ITPRID1: variants seen among roughly 807,000 people sequenced by gnomAD.
The protein encoded by ITPRID1 is ITPR interacting domain containing 1.
In ITPRID1, 96 loss-of-function variants were observed where a neutral mutation model predicts 95.4. The ratio of observed to expected loss-of-function variants is 1.01; its 90% CI spans 0.85 to 1.19. The LOEUF (loss-of-function observed/expected upper bound fraction) is 1.19, where lower values mean the gene tolerates loss of function less well. Among genes scored for constraint, ITPRID1 ranks in the 50% most tolerant of loss-of-function variants. The pLI is 0.00. For missense variants in ITPRID1, 1,339 were observed against 1,252.9 expected, an observed-to-expected ratio of 1.07 and a Z score of -1.04; for synonymous variants, 510 against 453.6, an observed-to-expected ratio of 1.12 and a Z score of -1.58.
intron 10 of ITPRID1, among the ~76,000 whole-genome samples, chr7:31,631,175 G>C (rs556441959): frequency 6.6e-6 from 1 of 152,128 alleles, no homozygotes; most frequent in African/African-American, 2.4e-5. Flanking sequence ...TCCAAACTGC[G>C]GAAGAGCAGA....
chr7:31,633,451 G>A (rs1240704212), intron 10 of ITPRID1, among the ~76,000 whole-genome samples: 2 of 152,148 alleles, frequency 1.3e-5, no homozygotes, highest in Admixed American at 1.3e-4. Context: ...TGGAAGGGAG[G>A]TGGCACCATC....
chr7:31,650,093 G>T (rs1362290975), intron 12 of ITPRID1, among the ~76,000 whole-genome samples: 1 of 152,200 alleles, frequency 6.6e-6, no homozygotes, highest in African/African-American at 2.4e-5. Context: ...AGAGACCGGG[G>T]ACAGAGGCCC....
chr7:31,638,573 A>G (rs38386), intron 10 of ITPRID1, among the ~76,000 whole-genome samples: 23,870 of 152,226 alleles, frequency 0.16, 2,351 homozygotes, highest in Non-Finnish European at 0.2. Flanking sequence ...AATAAATAAA[A>G]TATTCAGTGC....
chr7:31,606,185 A>T (rs528931891), intron 10 of ITPRID1, among the ~76,000 whole-genome samples: 1 of 152,312 alleles, frequency 6.6e-6, no homozygotes, highest in South Asian at 2.1e-4. Context: ...CTTCTGATAA[A>T]TAGGACTATT....
rs548229974 is a variant in ITPRID1, at chr7:31,655,820, G to A, written c.*2991G>A. On this transcript the variant is annotated 3_prime_UTR_variant, in exon 15 of 15. Coordinates refer to ENST00000615280, the MANE Select transcript of ITPRID1 (RefSeq NM_001257967.3). ...ACCTCCCCTTCTCCATGTAGACTCC[G>A]AGCTCTCCTGCAGTTTCTTCCTTGC... The A allele has an allele frequency of 2.4e-3, 2,392 of 985,492 alleles. 2 individuals carry two copies. The highest frequency in any genetic ancestry group is 2.8e-3 in the Non-Finnish European group (2,284 of 829,986). 61.0% of individuals were successfully genotyped at this position (985,492 alleles called of 1,614,324 possible).
rs751728080 is a variant in ITPRID1 at position 31,652,534 on chromosome 7, C to G, written c.2840C>G (p.Thr947Arg). The change falls in exon 15 of 15, where the codon ACA (threonine) becomes AGA (arginine). Residue 947 changes from threonine to arginine, a missense_variant. By Grantham distance (71) the Thr-to-Arg change is moderately conservative. Coordinates refer to ENST00000615280, the MANE Select transcript of ITPRID1 (RefSeq NM_001257967.3). ...EGILLQLEVL[T>R]AEPPEHYSNL... is the part of the protein sequence containing the mutation. ...TCCTTTTAGCAGCTGGAGGTTCTCA[C>G]AGCAGAGCCACCTGAACACTATTCA... The G allele has an allele frequency of 5.6e-6, 9 of 1,601,388 alleles. No homozygotes were observed.
At chr7:31,598,467 T>G (rs562177741) in intron 10 of ITPRID1, among the ~76,000 whole-genome samples, 27 of 145,974 alleles carry the variant, frequency 1.8e-4, no homozygotes, top group South Asian at 8.9e-4. Context: ...GCAGTGGCGC[T>G]ATCTCGGCTC....
At chr7:31,518,991 A>G (rs568580518) in intron 1 of ITPRID1, among the ~76,000 whole-genome samples, 1 of 152,314 alleles carries the variant, frequency 6.6e-6, no homozygotes, top group East Asian at 1.9e-4. Flanking sequence ...TGTAACAGGC[A>G]AAGAACCTTG....
At chr7:31,585,824 C>A (rs915378194) in intron 10 of ITPRID1, among the ~76,000 whole-genome samples, 1 of 151,972 alleles carries the variant, frequency 6.6e-6, no homozygotes, top group African/African-American at 2.4e-5. Flanking sequence ...TACAAAGAAG[C>A]ATGACAAATC....
chr7:31,629,989 A>AAC (rs537026132), intron 10 of ITPRID1, among the ~76,000 whole-genome samples: 8 of 152,066 alleles, frequency 5.3e-5, no homozygotes, highest in Non-Finnish European at 1.0e-4. Context: ...AAAGAGAAGA[A>AAC]ACACACACAC....
At chr7:31,589,130 A>G (rs1415742843) in intron 10 of ITPRID1, among the ~76,000 whole-genome samples, 1 of 152,016 alleles carries the variant, frequency 6.6e-6, no homozygotes, top group Non-Finnish European at 1.5e-5. Flanking sequence ...TCTAAAAAAA[A>G]GAATTATAAT....
At chr7:31,522,081 T>C (rs1783282251) in intron 1 of ITPRID1, among the ~76,000 whole-genome samples, 2 of 152,090 alleles carry the variant, frequency 1.3e-5, no homozygotes, top group Non-Finnish European at 2.9e-5. Flanking sequence ...TGAGCAAGTC[T>C]TTTTCTAACT....
At chr7:31,601,734 G>T (rs537748036) in intron 10 of ITPRID1, among the ~76,000 whole-genome samples, 1 of 152,158 alleles carries the variant, frequency 6.6e-6, no homozygotes, top group Non-Finnish European at 1.5e-5. Context: ...GAAGAGGGAC[G>T]AGAGTGCCCA....
intron 1 of ITPRID1, among the ~76,000 whole-genome samples, chr7:31,522,148 T>C (rs1783284555): frequency 6.6e-6 from 1 of 152,074 alleles, no homozygotes; most frequent in African/African-American, 2.4e-5. Flanking sequence ...TATTAGGAAG[T>C]TGTTTTTCAT....
chr7:31,643,468 C>G lies in ITPRID1; in HGVS notation c.2098C>G (p.Leu700Val), dbSNP rs1444986775. Residue 700 changes from leucine (L) to valine (V), a missense_variant, in exon 12 of 15, where the codon CTA (leucine) becomes GTA (valine). By Grantham distance (32) the Leu-to-Val change is conservative (BLOSUM62 1). Transcript: ENST00000615280. ...GTEAEMENLP[L>V]NTGSSRSVMT... ...AGAAGCTGAGATGGAAAACCTTCCTCTAAATACTGGCAGCTCCAGGTCTGT... is the reference window on the plus strand; with the variant it reads ...AGAAGCTGAGATGGAAAACCTTCCTGTAAATACTGGCAGCTCCAGGTCTGT... The G allele has an allele frequency of 6.2e-7, 1 of 1,614,024 alleles. No homozygotes were observed. Among genetic ancestry groups the G allele is most frequent in the Non-Finnish European group, 8.5e-7 (1 of 1,179,902 alleles).
intron 5 of ITPRID1, among the ~76,000 whole-genome samples, chr7:31,565,412 C>T (rs894880800): frequency 6.6e-6 from 1 of 152,126 alleles, no homozygotes; most frequent in Non-Finnish European, 1.5e-5. Flanking sequence ...TTTAGACAGA[C>T]ACTTGTATCA....
chr7:31,586,064 C>T (rs1157768464), intron 10 of ITPRID1, among the ~76,000 whole-genome samples: 12 of 144,596 alleles, frequency 8.3e-5, no homozygotes, highest in Non-Finnish European at 1.2e-4. Flanking sequence ...TGTTCAGTTC[C>T]CACCTATGAG....
intron 10 of ITPRID1, among the ~76,000 whole-genome samples, chr7:31,621,568 T>G (rs1348632086): frequency 1.4e-5 from 2 of 147,934 alleles, no homozygotes; most frequent in Non-Finnish European, 3.0e-5. Flanking sequence ...AGAGATTTTG[T>G]CACCACCAGG....
At position 31,572,097 on chromosome 7, in the gene ITPRID1, T is replaced by C. The variant is rs949847637; in HGVS notation, c.309-5T>C. The C allele has an allele frequency of 3.1e-6, 5 of 1,592,084 alleles. No homozygotes were observed. Among genetic ancestry groups the C allele is most frequent in the Non-Finnish European group, 4.3e-6 (5 of 1,161,192 alleles). On this transcript the variant is annotated splice_region_variant and splice_polypyrimidine_tract_variant and intron_variant, in intron 6 of 14. Transcript: ENST00000615280. The stretch of plus-strand genomic sequence containing the variant: ...ATCTCATTGTTGATATTTTCCCAAC[T>C]GTAGATCTTTGCATCAGTTTTCAGA...
Sources: gnomAD v4.1 joint callset for allele counts (sites outside exome capture counted in the v4.1 genomes callset) on GRCh38, gnomAD v4.1.1 for gene constraint, MANE v1.5 for transcripts, NCBI Gene and HGNC (gene_info 2026-07-23, HGNC 2026-07-21) for gene names.